The following COBLL1 variants were observed in gnomAD, a reference collection of about 807,000 sequenced individuals.
COBLL1 encodes the protein cordon-bleu WH2 repeat protein like 1, also known as cordon-bleu protein-like 1.
Under a neutral mutation model 94.8 loss-of-function variants are expected in COBLL1, and 50 were observed. The ratio of observed to expected loss-of-function variants is 0.53; its 90% CI spans 0.42 to 0.67. The LOEUF (loss-of-function observed/expected upper bound fraction) is 0.67, where lower values mean the gene tolerates loss of function less well. Ranked by LOEUF, COBLL1 falls within the 30% of genes least tolerant of loss-of-function variation. The pLI is 0.00. For synonymous variants in COBLL1, 448 were observed against 473.8 expected (o/e 0.95, Z 0.71); for missense variants, 1,362 against 1,348.7 (o/e 1.01, Z -0.15).
intron 2 of COBLL1, among the ~76,000 whole-genome samples, chr2:164,659,252 T>A (rs1691032197): frequency 6.6e-6 from 1 of 152,202 alleles, no homozygotes; most frequent in Non-Finnish European, 1.5e-5. Context: ...TATTCCATTA[T>A]CACTGACCAC....
At chr2:164,776,296 A>T (rs1688458286) in intron 2 of COBLL1, among the ~76,000 whole-genome samples, 1 of 152,130 alleles carries the variant, frequency 6.6e-6, no homozygotes, top group African/African-American at 2.4e-5. Context: ...TGGTAAAGGA[A>T]GCCCCAAACT....
At chr2:164,686,344 T>C (rs1159064629) in intron 13 of COBLL1, among the ~76,000 whole-genome samples, 1 of 152,142 alleles carries the variant, frequency 6.6e-6, no homozygotes, top group African/African-American at 2.4e-5. Flanking sequence ...CATTTTTAGC[T>C]AGATTAATTC....
chr2:164,755,105 C>A (rs1203019673), intron 2 of COBLL1, among the ~76,000 whole-genome samples: 1 of 152,186 alleles, frequency 6.6e-6, no homozygotes, highest in Non-Finnish European at 1.5e-5. Flanking sequence ...GTCAAGGCTG[C>A]AGTGAGCCAC....
chr2:164,686,056 C>T (rs370244680), intron 13 of COBLL1, 24 bp from the exon 14 acceptor site: 8 of 1,393,926 alleles, frequency 5.7e-6, no homozygotes, highest in Non-Finnish European at 8.0e-6. Flanking sequence ...ACACACTTTG[C>T]ACCCATCAAT....
chr2:164,828,068 G>A (rs549591230), intron 2 of COBLL1, among the ~76,000 whole-genome samples: 60 of 152,244 alleles, frequency 3.9e-4, no homozygotes, highest in African/African-American at 1.3e-3. Context: ...ATTTAATGGT[G>A]TCTTAATAAC....
At chr2:164,791,256 C>T (rs983167322) in intron 2 of COBLL1, among the ~76,000 whole-genome samples, 2 of 152,096 alleles carry the variant, frequency 1.3e-5, no homozygotes, top group African/African-American at 4.8e-5. Context: ...AATAACTTCT[C>T]AAAATACTTT....
intron 2 of COBLL1, among the ~76,000 whole-genome samples, chr2:164,832,505 C>T (rs1683123173): frequency 6.6e-6 from 1 of 152,098 alleles, no homozygotes; most frequent in South Asian, 2.1e-4. Flanking sequence ...TTTATAAGTA[C>T]AGCCATATTT....
intron 2 of COBLL1, among the ~76,000 whole-genome samples, chr2:164,818,576 A>ACATATGTACACATATATAGCATATG (rs1684978102): frequency 6.8e-6 from 1 of 146,584 alleles, no homozygotes; most frequent in Non-Finnish European, 1.5e-5. Flanking sequence ...TATAGCATAT[A>ACATATGTACACATATATAGCATATG]TGTACATATG....
chr2:164,748,731 G>T (rs191187336), intron 2 of COBLL1, among the ~76,000 whole-genome samples: 15 of 152,140 alleles, frequency 9.9e-5, no homozygotes, highest in Admixed American at 8.5e-4. Context: ...TCACATAAGG[G>T]TAGGTGGAGA....
chr2:164,733,256 TA>T (rs1396530867), intron 3 of COBLL1, among the ~76,000 whole-genome samples: 1 of 152,212 alleles, frequency 6.6e-6, no homozygotes, highest in Non-Finnish European at 1.5e-5. Context: ...ATTAATTTTC[TA>T]ATCTAATAAA....
intron 2 of COBLL1, among the ~76,000 whole-genome samples, chr2:164,824,530 C>T (rs1685339311): frequency 6.6e-6 from 1 of 151,866 alleles, no homozygotes; most frequent in African/African-American, 2.4e-5. Context: ...TTTGAAAGTC[C>T]ATTATGCACG....
At chr2:164,824,474 A>T (rs1002810203) in intron 2 of COBLL1, among the ~76,000 whole-genome samples, 1 of 152,136 alleles carries the variant, frequency 6.6e-6, no homozygotes, top group African/African-American at 2.4e-5. Context: ...CAAGATATTT[A>T]TTTGGGATAA....
At chr2:164,837,279 A>G (rs1683360219) in intron 2 of COBLL1, 1 of 271,022 alleles carries the variant, frequency 3.7e-6, no homozygotes, top group South Asian at 4.0e-5. Context: ...AGTAAAGAAC[A>G]TAAGCACTAG....
intron 2 of COBLL1, among the ~76,000 whole-genome samples, chr2:164,811,901 AT>A (rs1684479401): frequency 6.6e-6 from 1 of 151,944 alleles, no homozygotes; most frequent in Admixed American, 6.6e-5. Flanking sequence ...CTGTGGTAGC[AT>A]TTTTGCTGAG....
chr2:164,793,312 AC>A (rs1683283695), intron 2 of COBLL1, among the ~76,000 whole-genome samples: 1 of 151,760 alleles, frequency 6.6e-6, no homozygotes, highest in Middle Eastern at 3.2e-3. Flanking sequence ...AAAAAACAAA[AC>A]AAAGCAAAAA....
intron 2 of COBLL1, among the ~76,000 whole-genome samples, chr2:164,775,463 GT>G (rs1232045667): frequency 6.6e-6 from 1 of 151,978 alleles, no homozygotes; most frequent in Non-Finnish European, 1.5e-5. Flanking sequence ...GTTTTGTTTT[GT>G]TTTGTTTTGT....
At chr2:164,797,103 A>G (rs1683502038) in intron 2 of COBLL1, among the ~76,000 whole-genome samples, 1 of 152,232 alleles carries the variant, frequency 6.6e-6, no homozygotes, top group Non-Finnish European at 1.5e-5. Context: ...GCTATTCACA[A>G]CACTAGAAGG....
At chr2:164,672,368 T>A (rs1009078352) in intron 1 of COBLL1, among the ~76,000 whole-genome samples, 3 of 152,160 alleles carry the variant, frequency 2.0e-5, no homozygotes, top group African/African-American at 7.2e-5. Context: ...AATCTAGACT[T>A]CAAGAAAGGA....
At chr2:164,833,108 C>T (rs1683152713) in intron 2 of COBLL1, among the ~76,000 whole-genome samples, 1 of 152,092 alleles carries the variant, frequency 6.6e-6, no homozygotes, top group Non-Finnish European at 1.5e-5. Flanking sequence ...CCTGTAATCC[C>T]AGCACTTTAG....
Sources: gnomAD v4.1 joint callset for allele counts (sites outside exome capture counted in the v4.1 genomes callset) on GRCh38, gnomAD v4.1.1 for gene constraint, MANE v1.5 for transcripts, NCBI Gene and HGNC (gene_info 2026-07-23, HGNC 2026-07-21) for gene names.